Variants in XYLT1 observed in about 807,000 individuals in gnomAD.
XYLT1 encodes the protein beta-D-xylosyltransferase 1.
A neutral mutation model predicts 91.3 loss-of-function variants in XYLT1; 36 were observed. The observed-to-expected ratio is 0.39, with a 90% CI of 0.30 to 0.52. The LOEUF is 0.52. Among genes scored for constraint, XYLT1 ranks in the 20% least tolerant of loss-of-function variants. XYLT1 has a pLI of 0.68. For synonymous variants in XYLT1, 588 were observed against 532.0 expected (o/e 1.11, Z -1.45); for missense variants, 1,242 against 1,284.5 (o/e 0.97, Z 0.51).
chr16:17,323,636 C>T (rs1027984792), intron 2 of XYLT1, among the ~76,000 whole-genome samples: 1 of 152,178 alleles, frequency 6.6e-6, no homozygotes, highest in Non-Finnish European at 1.5e-5. Flanking sequence ...GTACATGTAG[C>T]CCAGGGGACA....
chr16:17,264,028 T>C (rs1436096034), intron 2 of XYLT1, among the ~76,000 whole-genome samples: 1 of 152,166 alleles, frequency 6.6e-6, no homozygotes, highest in Non-Finnish European at 1.5e-5. Context: ...CTGAACCAAT[T>C]TTTAAGTGTG....
intron 3 of XYLT1, among the ~76,000 whole-genome samples, chr16:17,254,074 A>G (rs1158391999): frequency 6.6e-6 from 1 of 152,312 alleles, no homozygotes; most frequent in East Asian, 1.9e-4. Flanking sequence ...AAGGGTTCAC[A>G]ATAGACTCAG....
chr16:17,293,491 CTT>C (rs548581536), intron 2 of XYLT1, among the ~76,000 whole-genome samples: 73 of 119,080 alleles, frequency 6.1e-4, no homozygotes, highest in African/African-American at 2.1e-3. Context: ...TTTCTCCCTC[CTT>C]TTTTTTTTTT....
chr16:17,351,133 T>G (rs1193323196), intron 2 of XYLT1, among the ~76,000 whole-genome samples: 4 of 152,208 alleles, frequency 2.6e-5, no homozygotes, highest in African/African-American at 9.6e-5. Context: ...AACTCAGTTT[T>G]TAAACACATG....
chr16:17,205,248 T>C (rs2032622230), intron 3 of XYLT1, among the ~76,000 whole-genome samples: 1 of 152,210 alleles, frequency 6.6e-6, no homozygotes, highest in African/African-American at 2.4e-5. Context: ...AGCAGCATTG[T>C]GGGTCAAACG....
chr16:17,116,265 A>G (rs1405104384), intron 11 of XYLT1, among the ~76,000 whole-genome samples: 1 of 152,222 alleles, frequency 6.6e-6, no homozygotes, highest in Non-Finnish European at 1.5e-5. Context: ...GTCAGGCAGG[A>G]TAGGAACTGA....
At chr16:17,377,844 T>A (rs1190845100) in intron 1 of XYLT1, among the ~76,000 whole-genome samples, 1 of 151,838 alleles carries the variant, frequency 6.6e-6, no homozygotes, top group East Asian at 1.9e-4. Flanking sequence ...CCCACTGGGG[T>A]TCAGAACAAG....
In XYLT1 at chr16:17,259,283, ATG is replaced by A; in HGVS notation, c.616_617del (p.His206TyrfsTer9). The A allele has an allele frequency of 6.2e-7, 1 of 1,613,912 alleles. No homozygotes were observed. The highest frequency in any genetic ancestry group is 8.5e-7 in the Non-Finnish European group (1 of 1,179,984). ...CACCGGGGCCTTTCCCAGGGAATGT[ATG>A]TCCTTTTCCTTTCTCCTGCTGTTCC... ...KLEQQEKGKGHTFPGKGPGEV... is the reference protein window; with the variant it reads ...KLEQQEKGKGXTFPGKGPGEV... On this transcript the variant is annotated frameshift_variant, in exon 3 of 12. Coordinates refer to ENST00000261381, the MANE Select transcript of XYLT1 (RefSeq NM_022166.4). LOFTEE classifies it high-confidence loss of function.
At chr16:17,451,211 T>C (rs143583841) in intron 1 of XYLT1, among the ~76,000 whole-genome samples, 27 of 152,298 alleles carry the variant, frequency 1.8e-4, no homozygotes, top group African/African-American at 6.3e-4. Context: ...AGCAGGGCTG[T>C]TGGGAACCTC....
At chr16:17,209,020 G>T (rs193147159) in intron 3 of XYLT1, among the ~76,000 whole-genome samples, 43 of 152,244 alleles carry the variant, frequency 2.8e-4, no homozygotes, top group Non-Finnish European at 4.1e-4. Context: ...AGACACATCT[G>T]GCCTATTTTA....
rs1318124126 is a variant in XYLT1 at position 17,104,689 on chromosome 16, A to G, written c.*4006T>C. On this transcript the variant is annotated 3_prime_UTR_variant, in exon 12 of 12. Coordinates refer to ENST00000261381, the MANE Select transcript of XYLT1 (RefSeq NM_022166.4). The stretch of plus-strand genomic sequence containing the variant: ...AAACAACCCGACGTTGAAAAATCAG[A>G]TTTTTTCCATTAAATCTGGATTTCC... 2 of 152,152 alleles carry G rather than the reference A, an allele frequency of 1.3e-5. No homozygotes were observed. The highest frequency in any genetic ancestry group is 6.5e-5 in the Admixed American group (1 of 15,276). The allele number at this position is 152,152 out of a possible 1,614,324, so 9.4% of individuals were successfully genotyped here.
chr16:17,444,202 T>G (rs184939574), intron 1 of XYLT1, among the ~76,000 whole-genome samples: 53 of 152,272 alleles, frequency 3.5e-4, no homozygotes, highest in African/African-American at 1.2e-3. Flanking sequence ...GCCAAACAAG[T>G]CTCAGCCCAC....
rs143957511 is a variant in XYLT1, at chr16:17,350,259, G to C, written c.402+7753C>G. ...GGTGAAGTCCACTCCCAACAAGAAG[G>C]GGGGAATGGTGATCTCAACACGATC... On this transcript the variant is annotated intron_variant, in intron 2 of 11. Transcript: ENST00000261381. 3.9e-5 allele frequency among the ~76,000 whole-genome samples: 6 copies of C among 152,306 alleles called. No homozygotes were observed. The South Asian group carries it at 6.2e-4, about 16-fold the overall frequency.
chr16:17,298,592 C>T (rs1449880040), intron 2 of XYLT1, among the ~76,000 whole-genome samples: 1 of 152,146 alleles, frequency 6.6e-6, no homozygotes, highest in Non-Finnish European at 1.5e-5. Flanking sequence ...ACTGGTCTAC[C>T]TGCTGCTGTG....
intron 6 of XYLT1, among the ~76,000 whole-genome samples, chr16:17,155,615 A>G (rs976365894): frequency 2.0e-5 from 3 of 152,184 alleles, no homozygotes; most frequent in Admixed American, 6.5e-5. Context: ...GGCCACAGCT[A>G]ACAAAGAGGG....
chr16:17,390,907 G>A (rs1567185659), intron 1 of XYLT1, among the ~76,000 whole-genome samples: 1 of 152,242 alleles, frequency 6.6e-6, no homozygotes, highest in East Asian at 1.9e-4. Context: ...GCATGGTGGT[G>A]CGTGACTGTA....
chr16:17,376,067 G>A (rs1407421866), intron 1 of XYLT1, among the ~76,000 whole-genome samples: 1 of 152,252 alleles, frequency 6.6e-6, no homozygotes, highest in Non-Finnish European at 1.5e-5. Context: ...GTGGGACTGT[G>A]GATCACAGCC....
intron 2 of XYLT1, among the ~76,000 whole-genome samples, chr16:17,268,667 CTT>C (rs56389780): frequency 7.2e-5 from 10 of 138,012 alleles, no homozygotes; most frequent in Admixed American, 7.3e-5. Flanking sequence ...GTGATAAATA[CTT>C]TTTTTTTTTT....
chr16:17,140,318 G>T (rs1253627616), intron 7 of XYLT1, among the ~76,000 whole-genome samples: 1 of 152,176 alleles, frequency 6.6e-6, no homozygotes. Flanking sequence ...CATGCTTGGT[G>T]TAAAAAGGTG....
Sources: gnomAD v4.1 joint callset for allele counts (sites outside exome capture counted in the v4.1 genomes callset) on GRCh38, gnomAD v4.1.1 for gene constraint, MANE v1.5 for transcripts, NCBI Gene and HGNC (gene_info 2026-07-23, HGNC 2026-07-21) for gene names.